Variants in NARS2 observed in about 807,000 individuals in gnomAD.
NARS2 encodes asparaginyl-tRNA synthetase.
A neutral mutation model predicts 62.9 loss-of-function variants in NARS2; 60 were observed. The ratio of observed to expected loss-of-function variants is 0.95; its 90% CI spans 0.77 to 1.18. The LOEUF is 1.18. Ranked by LOEUF, NARS2 falls within the 50% of genes most tolerant of loss-of-function variation. The pLI, the probability that NARS2 is intolerant of heterozygous loss-of-function variation, is 0.00. For synonymous variants in NARS2, 196 were observed against 200.0 expected, an observed-to-expected ratio of 0.98 and a Z score of 0.17; for missense variants, 619 against 576.4, an observed-to-expected ratio of 1.07 and a Z score of -0.76.
At chr11:78,478,982 A>G (rs1357050519) in intron 7 of NARS2, among the ~76,000 whole-genome samples, 5 of 152,192 alleles carry the variant, frequency 3.3e-5, no homozygotes, top group Non-Finnish European at 1.5e-5. Context: ...CTAAATTTCA[A>G]TAAACTCACT....
intron 7 of NARS2, among the ~76,000 whole-genome samples, chr11:78,485,860 G>A (rs2135294854): frequency 6.6e-6 from 1 of 152,116 alleles, no homozygotes; most frequent in Admixed American, 6.5e-5. Flanking sequence ...CGTGGATGTG[G>A]GTAATCTCTA....
rs760348257 is a variant in NARS2 at position 78,469,255 on chromosome 11, T to A, written c.1018A>T (p.Thr340Ser). Reference sequence around the variant, plus strand: ...TACACACAAAATACTACCTCTGGGGTAAAGGTGAAGTTCTGGGATGCTTGC... The same window carrying A: ...TACACACAAAATACTACCTCTGGGGAAAAGGTGAAGTTCTGGGATGCTTGC... ...LKQASQNFTF[T>S]PEWGADLRTE... The change falls in exon 10 of 14, where the codon ACC (threonine) becomes TCC (serine). Residue 340 changes from threonine (T) to serine (S), a missense_variant. Transcript: ENST00000281038. The A allele has an allele frequency of 1.9e-6, 3 of 1,609,320 alleles. No individual in the cohort carries two copies. The highest frequency in any genetic ancestry group is 2.6e-6 in the Non-Finnish European group (3 of 1,175,968).
chr11:78,476,029 A>G (rs1378272758), intron 9 of NARS2, among the ~76,000 whole-genome samples: 1 of 152,190 alleles, frequency 6.6e-6, no homozygotes, highest in African/African-American at 2.4e-5. Flanking sequence ...ATCTTACACA[A>G]ATGTAAAACA....
At chr11:78,551,448 C>T (rs376848459) in intron 5 of NARS2, among the ~76,000 whole-genome samples, 10 of 152,314 alleles carry the variant, frequency 6.6e-5, no homozygotes, top group African/African-American at 2.2e-4. Context: ...TATGGGATCA[C>T]CATGGTATAT....
At chr11:78,564,512 T>A (rs1294278489) in intron 4 of NARS2, among the ~76,000 whole-genome samples, 1 of 151,138 alleles carries the variant, frequency 6.6e-6, no homozygotes, top group Non-Finnish European at 1.5e-5. Flanking sequence ...TTTATTTCAA[T>A]TTTTTTTTAG....
chr11:78,473,304 G>C (rs991292522), intron 9 of NARS2, among the ~76,000 whole-genome samples: 1 of 152,194 alleles, frequency 6.6e-6, no homozygotes, highest in African/African-American at 2.4e-5. Context: ...AAGGTAACAG[G>C]TATTTTCTTT....
At chr11:78,550,052 G>A (rs1856039788) in intron 5 of NARS2, among the ~76,000 whole-genome samples, 1 of 152,168 alleles carries the variant, frequency 6.6e-6, no homozygotes, top group African/African-American at 2.4e-5. Context: ...ATAAGGCATT[G>A]TTTTGGGCTA....
chr11:78,446,200 T>C (rs1365420964), intron 11 of NARS2, among the ~76,000 whole-genome samples: 1 of 152,230 alleles, frequency 6.6e-6, no homozygotes, highest in African/African-American at 2.4e-5. Flanking sequence ...AGTTTTGATT[T>C]AGAAACTTTT....
At chr11:78,476,075 G>A (rs543174765) in intron 9 of NARS2, among the ~76,000 whole-genome samples, 4 of 152,330 alleles carry the variant, frequency 2.6e-5, no homozygotes, top group African/African-American at 9.6e-5. Flanking sequence ...AAGCATGGGG[G>A]TGGATGCTGA....
intron 11 of NARS2, among the ~76,000 whole-genome samples, chr11:78,450,310 A>G (rs1204531988): frequency 6.6e-6 from 1 of 152,202 alleles, no homozygotes; most frequent in Admixed American, 6.5e-5. Context: ...GTATGGAAGA[A>G]CTTACCAAAA....
intron 6 of NARS2, among the ~76,000 whole-genome samples, chr11:78,513,267 C>T (rs1450277909): frequency 6.6e-6 from 1 of 151,762 alleles, no homozygotes; most frequent in African/African-American, 2.4e-5. Flanking sequence ...ATAAAATGTA[C>T]AATTAAGTTA....
At chr11:78,456,699 G>C (rs1183721591) in intron 11 of NARS2, among the ~76,000 whole-genome samples, 1 of 152,124 alleles carries the variant, frequency 6.6e-6, no homozygotes, top group Admixed American at 6.6e-5. Context: ...GGTGATTGTG[G>C]CATCTCATCA....
intron 7 of NARS2, among the ~76,000 whole-genome samples, chr11:78,488,523 G>A (rs545076596): frequency 1.4e-4 from 21 of 152,284 alleles, no homozygotes; most frequent in African/African-American, 4.8e-4. Flanking sequence ...TTTTAGCAGT[G>A]TTGGATTTCA....
intron 10 of NARS2, among the ~76,000 whole-genome samples, chr11:78,468,310 G>GGAAAAAAAAAAAAAAAAAA (rs1555015326): frequency 4.4e-5 from 3 of 67,434 alleles, no homozygotes; most frequent in Non-Finnish European, 8.8e-5. Flanking sequence ...CACTAAATCT[G>GGAAAAAAAAAAAAAAAAAA]AAAAAAAAAA....
intron 7 of NARS2, among the ~76,000 whole-genome samples, chr11:78,482,524 G>C (rs1193675593): frequency 6.6e-6 from 1 of 150,764 alleles, no homozygotes; most frequent in Non-Finnish European, 1.5e-5. Context: ...AAAGAGAGAA[G>C]AATCAAATAG....
chr11:78,467,714 G>C (rs892787229), intron 10 of NARS2, among the ~76,000 whole-genome samples: 12 of 152,050 alleles, frequency 7.9e-5, no homozygotes, highest in African/African-American at 2.4e-4. Context: ...GTTATAAGAT[G>C]AACAAGTTCT....
At chr11:78,496,740 T>TAC (rs1438889401) in intron 6 of NARS2, among the ~76,000 whole-genome samples, 1 of 109,594 alleles carries the variant, frequency 9.1e-6, no homozygotes, top group Non-Finnish European at 2.1e-5. Context: ...GAGAATGATA[T>TAC]ATTCTCGTCA....
chr11:78,452,310 T>C (rs1329437643), intron 11 of NARS2, among the ~76,000 whole-genome samples: 2 of 152,094 alleles, frequency 1.3e-5, no homozygotes, highest in Admixed American at 6.5e-5. Flanking sequence ...GATTTCACCA[T>C]GTTGGCCAGG....
At chr11:78,530,598 C>T (rs1166672372) in intron 5 of NARS2, among the ~76,000 whole-genome samples, 1 of 152,162 alleles carries the variant, frequency 6.6e-6, no homozygotes, top group Non-Finnish European at 1.5e-5. Flanking sequence ...CTCAGCCTGC[C>T]AGTAGCTGGG....
Sources: gnomAD v4.1 joint callset for allele counts (sites outside exome capture counted in the v4.1 genomes callset) on GRCh38, gnomAD v4.1.1 for gene constraint, MANE v1.5 for transcripts, NCBI Gene and HGNC (gene_info 2026-07-23, HGNC 2026-07-21) for gene names.